Variants in RASSF3 observed in about 807,000 individuals in gnomAD.
The protein encoded by RASSF3 is ras association domain-containing protein 3.
Under a neutral mutation model 19.9 loss-of-function variants are expected in RASSF3, and 19 were observed. The ratio of observed to expected loss-of-function variants is 0.96; its 90% CI spans 0.67 to 1.40. RASSF3 has a LOEUF of 1.40. Ranked by LOEUF, RASSF3 falls within the 40% of genes most tolerant of loss-of-function variation. The pLI, the probability that RASSF3 is intolerant of heterozygous loss-of-function variation, is 0.00. For synonymous variants in RASSF3, 110 were observed against 104.2 expected (o/e 1.06, Z -0.34); for missense variants, 306 against 289.8 (o/e 1.06, Z -0.41).
intron 2 of RASSF3, among the ~76,000 whole-genome samples, chr12:64,578,542 C>T (rs776936442): frequency 6.6e-6 from 1 of 152,076 alleles, no homozygotes; most frequent in Admixed American, 6.6e-5. Context: ...GCCTGGAGTC[C>T]CTGCTCCTCT....
chr12:64,669,890 C>CAA (rs35671310), intron 1 of RASSF3, among the ~76,000 whole-genome samples: 33 of 106,642 alleles, frequency 3.1e-4, no homozygotes, highest in Middle Eastern at 5.5e-3. Flanking sequence ...TGTAAATTAC[C>CAA]AAAAAAAAAA....
At chr12:64,613,902 C>T (rs113373353) in intron 1 of RASSF3, among the ~76,000 whole-genome samples, 10,502 of 152,036 alleles carry the variant, frequency 0.069, 434 homozygotes, top group Non-Finnish European at 0.098. Flanking sequence ...GAGCTGTGAT[C>T]GCACCACTGC....
chr12:64,558,746 G>A (rs1489414799), intron 2 of RASSF3, among the ~76,000 whole-genome samples: 1 of 152,104 alleles, frequency 6.6e-6, no homozygotes, highest in East Asian at 1.9e-4. Flanking sequence ...CTGTGGTATG[G>A]CAGGCTCCTT....
rs150702679 is a variant in RASSF3 at position 64,590,586 on chromosome 12, T to G, written c.294+48881T>G. ...TGTGAAATTTAGGGTTTAAAGGTGA[T>G]CTCTCTAATATGTCTACTATTTAAC... On this transcript the variant is annotated intron_variant, in intron 2 of 5. Coordinates refer to the RASSF3 transcript ENST00000637125. 2.6e-3 allele frequency among the ~76,000 whole-genome samples: 396 copies of G among 152,340 alleles called. 3 individuals carry two copies. The highest frequency in any genetic ancestry group is 8.3e-3 in the African/African-American group (347 of 41,582).
chr12:64,566,274 C>T (rs1027300292), intron 2 of RASSF3, among the ~76,000 whole-genome samples: 7 of 152,214 alleles, frequency 4.6e-5, no homozygotes, highest in Non-Finnish European at 8.8e-5. Context: ...TGCTTGCCAT[C>T]CTAGACATTT....
At chr12:64,587,382 AAGTGGT>A (rs1351167943) in intron 2 of RASSF3, among the ~76,000 whole-genome samples, 9 of 152,150 alleles carry the variant, frequency 5.9e-5, no homozygotes, top group African/African-American at 1.7e-4. Flanking sequence ...TTAATTTGTG[AAGTGGT>A]AGTAGTTGCA....
chr12:64,518,064 T>C (rs978192222), intron 1 of RASSF3, among the ~76,000 whole-genome samples: 62 of 152,182 alleles, frequency 4.1e-4, no homozygotes, highest in African/African-American at 1.4e-3. Context: ...TAAAAGACTA[T>C]CTAGGCAATC....
downstream of RASSF3, among the ~76,000 whole-genome samples, chr12:64,543,599 C>A (rs914522770): frequency 2.1e-5 from 3 of 144,898 alleles, no homozygotes; most frequent in Admixed American, 2.1e-4. Flanking sequence ...TGTTCCATGG[C>A]ACCCGGTCCC....
Position 64,579,127 on chromosome 12 carries a change from C to CA in RASSF3, c.294+37436dup, listed in dbSNP as rs555192738. Among the ~76,000 whole-genome samples the CA allele has an allele frequency of 5.7e-3, 741 of 129,712 alleles. 5 individuals carry two copies. The highest frequency in any genetic ancestry group is 0.02 in the East Asian group (86 of 4,388). 85.1% of individuals were successfully genotyped at this position (129,712 alleles called of 152,430 possible). A position where few individuals can be genotyped will look rare whatever the true frequency, so the allele number is the denominator to read the frequency against. On this transcript the variant is annotated intron_variant, in intron 2 of 5. Coordinates refer to the RASSF3 transcript ENST00000637125. Reference sequence around the variant, plus strand: ...GGGCAACAAGAGCAAAACTCTGTCTCAAAAAAAAAAAAAATGCCTTTTTGA... The same window carrying CA: ...GGGCAACAAGAGCAAAACTCTGTCTCAAAAAAAAAAAAAAATGCCTTTTTGA...
chr12:64,637,093 G>A (rs999813148), intron 1 of RASSF3, among the ~76,000 whole-genome samples: 5 of 152,150 alleles, frequency 3.3e-5, no homozygotes, highest in African/African-American at 1.2e-4. Flanking sequence ...GTGTAAATGA[G>A]TATAAAGCAA....
chr12:64,651,223 T>C (rs1871941913), intron 1 of RASSF3, among the ~76,000 whole-genome samples: 1 of 152,202 alleles, frequency 6.6e-6, no homozygotes, highest in Non-Finnish European at 1.5e-5. Context: ...CAACTAAATG[T>C]CAGGAAATTT....
intron 1 of RASSF3, among the ~76,000 whole-genome samples, chr12:64,680,820 C>G (rs1873098233): frequency 6.6e-6 from 1 of 152,102 alleles, no homozygotes; most frequent in African/African-American, 2.4e-5. Flanking sequence ...CCATGTTGGC[C>G]AGGCTGGTCT....
chr12:64,566,326 A>AT (rs1869431003), intron 2 of RASSF3, among the ~76,000 whole-genome samples: 1 of 152,192 alleles, frequency 6.6e-6, no homozygotes, highest in Non-Finnish European at 1.5e-5. Flanking sequence ...CTTGTTTTAC[A>AT]TTTTTTAATT....
chr12:64,641,531 C>T (rs1259568670), intron 1 of RASSF3, among the ~76,000 whole-genome samples: 1 of 142,830 alleles, frequency 7.0e-6, no homozygotes, highest in African/African-American at 2.6e-5. Context: ...GGTGGTGGCT[C>T]ATGCCTGTAA....
upstream of RASSF3, among the ~76,000 whole-genome samples, chr12:64,608,583 C>G (rs549396164): frequency 6.6e-6 from 1 of 152,188 alleles, no homozygotes; most frequent in Non-Finnish European, 1.5e-5. Context: ...CAGGCGTGAG[C>G]CATCGCGCCC....
intron 1 of RASSF3, among the ~76,000 whole-genome samples, chr12:64,623,324 AAAT>A (rs1870860001): frequency 1.3e-5 from 2 of 152,212 alleles, no homozygotes; most frequent in African/African-American, 4.8e-5. Flanking sequence ...AAGGGAATTA[AAAT>A]TCAGTTGATT....
At chr12:64,526,566 C>T (rs182579152) in intron 1 of RASSF3, among the ~76,000 whole-genome samples, 1 of 151,560 alleles carries the variant, frequency 6.6e-6, no homozygotes, top group Non-Finnish European at 1.5e-5. Flanking sequence ...TTTTTAAAGA[C>T]AGGGTCTTGC....
intron 2 of RASSF3, among the ~76,000 whole-genome samples, chr12:64,578,424 C>T (rs1015582876): frequency 4.6e-5 from 7 of 151,928 alleles, no homozygotes; most frequent in Non-Finnish European, 5.9e-5. Flanking sequence ...AAGGCCAAGG[C>T]GGGAGGACTG....
chr12:64,670,110 C>T (rs967856211), intron 1 of RASSF3, among the ~76,000 whole-genome samples: 4 of 151,510 alleles, frequency 2.6e-5, no homozygotes, highest in Admixed American at 1.3e-4. Context: ...AGCTCAGGTT[C>T]GCTCTATCTA....
Sources: gnomAD v4.1 joint callset for allele counts (sites outside exome capture counted in the v4.1 genomes callset) on GRCh38, gnomAD v4.1.1 for gene constraint, MANE v1.5 for transcripts, NCBI Gene and HGNC (gene_info 2026-07-23, HGNC 2026-07-21) for gene names.